CEP76: variants seen among roughly 807,000 people sequenced by gnomAD.
CEP76 encodes the protein centrosomal protein of 76 kDa.
CEP76 carries 55 observed loss-of-function variants against 83.3 expected under a neutral mutation model. That is an observed-to-expected ratio of 0.66 (90% CI 0.53 to 0.83). The LOEUF is 0.83. CEP76 is among the 40% of genes least tolerant of loss of function. The pLI is 0.00. For missense variants in CEP76, 694 were observed against 799.5 expected, an observed-to-expected ratio of 0.87 and a Z score of 1.59; for synonymous variants, 270 against 274.5, an observed-to-expected ratio of 0.98 and a Z score of 0.16.
At chr18:12,672,258 G>A (rs959593779), downstream of CEP76, among the ~76,000 whole-genome samples, 5 of 151,918 alleles carry the variant, frequency 3.3e-5, no homozygotes, top group African/African-American at 7.3e-5. Flanking sequence ...GGGATTACAG[G>A]TGTGAGCCAC....
At chr18:12,683,204 A>AAAAAAAAAAAAAAAAAAAAAAAC (rs2039413427) in intron 8 of CEP76, among the ~76,000 whole-genome samples, 1 of 148,110 alleles carries the variant, frequency 6.8e-6, no homozygotes, top group Non-Finnish European at 1.5e-5. Context: ...AAAAAAAAAA[A>AAAAAAAAAAAAAAAAAAAAAAAC]GCCAGGCATG....
chr18:12,699,247 TAAA>T (rs780142888), intron 3 of CEP76, 44 bp from the exon 4 acceptor site: 5 of 1,294,844 alleles, frequency 3.9e-6, no homozygotes, highest in Non-Finnish European at 5.5e-6. Context: ...CCAAATAACT[TAAA>T]AGAATGTGAT....
intron 7 of CEP76, among the ~76,000 whole-genome samples, chr18:12,690,711 T>C (rs1015761916): frequency 1.3e-5 from 2 of 152,100 alleles, no homozygotes; most frequent in Non-Finnish European, 2.9e-5. Flanking sequence ...CACCTCGGCC[T>C]CCCCAAGTGC....
intron 6 of CEP76, among the ~76,000 whole-genome samples, chr18:12,694,935 A>T (rs9303776): frequency 0.39 from 59,164 of 150,798 alleles, 11,989 homozygotes; most frequent in Non-Finnish European, 0.45. Flanking sequence ...CAGGATGGTC[A>T]CGATCTCCTG....
chr18:12,702,775 A>G (rs1013602677), upstream of CEP76: 25 of 578,626 alleles, frequency 4.3e-5, no homozygotes, highest in Non-Finnish European at 6.3e-5. Flanking sequence ...GCGGACAAAC[A>G]GGGCTTGGGG....
chr18:12,679,303 G>T (rs1327128683), intron 9 of CEP76: 1 of 150,768 alleles, frequency 6.6e-6, no homozygotes, highest in Non-Finnish European at 1.5e-5. Context: ...GCACACTGGG[G>T]AGAAGCCACA....
chr18:12,669,826 C>T (rs1568005866), downstream of CEP76, among the ~76,000 whole-genome samples: 1 of 151,648 alleles, frequency 6.6e-6, no homozygotes, highest in African/African-American at 2.4e-5. Context: ...CATGCAGAAA[C>T]CCTGTCTCTA....
chr18:12,686,221 AT>A, intron 8 of CEP76, 40 bp downstream of exon 8: 1 of 1,500,918 alleles, frequency 6.7e-7, no homozygotes, highest in Non-Finnish European at 9.2e-7. Context: ...CAGAGTAACT[AT>A]GATATACTGC....
intron 6 of CEP76, 146 bp downstream of exon 6, chr18:12,695,108 C>A: frequency 2.3e-6 from 1 of 438,282 alleles, no homozygotes; most frequent in Non-Finnish European, 4.1e-6. Context: ...TATTTTCTTC[C>A]TCATCCTTTT....
intron 8 of CEP76, among the ~76,000 whole-genome samples, chr18:12,683,393 TA>T (rs531562261): frequency 3.2e-4 from 44 of 138,020 alleles, no homozygotes; most frequent in Admixed American, 6.6e-4. Flanking sequence ...AACCACTGAA[TA>T]AAAAAAAAAG....
chr18:12,689,574 G>A (rs554058960), intron 7 of CEP76, among the ~76,000 whole-genome samples: 13 of 143,996 alleles, frequency 9.0e-5, no homozygotes, highest in African/African-American at 2.9e-4. Flanking sequence ...AGAGGAAGTC[G>A]TTTAAGTAAT....
At chr18:12,693,819 A>G (rs896058744) in intron 6 of CEP76, among the ~76,000 whole-genome samples, 1 of 152,028 alleles carries the variant, frequency 6.6e-6, no homozygotes, top group South Asian at 2.1e-4. Flanking sequence ...GTATACACAT[A>G]ATGTATATGT....
intron 5 of CEP76, 91 bp from the exon 6 acceptor site, chr18:12,695,442 G>A: frequency 4.0e-6 from 2 of 505,020 alleles, no homozygotes; most frequent in Non-Finnish European, 7.0e-6. Flanking sequence ...AGGCACTTGG[G>A]TGTTTTATCA....
chr18:12,663,970 G>C (rs1036556636), intron 12 of CEP76, among the ~76,000 whole-genome samples: 2 of 152,130 alleles, frequency 1.3e-5, no homozygotes, highest in Non-Finnish European at 2.9e-5. Context: ...TTCAAGACCA[G>C]CCTGACCAAC....
downstream of CEP76, among the ~76,000 whole-genome samples, chr18:12,672,217 C>T (rs1471135152): frequency 6.6e-5 from 10 of 151,440 alleles, no homozygotes; most frequent in African/African-American, 1.9e-4. Flanking sequence ...CAGGTTCAAG[C>T]GATTCTCCTG....
At chr18:12,696,014 C>T (rs893065088) in intron 5 of CEP76, among the ~76,000 whole-genome samples, 4 of 152,132 alleles carry the variant, frequency 2.6e-5, no homozygotes, top group African/African-American at 7.2e-5. Context: ...AACAAATATA[C>T]TTCACATCAA....
Position 12,673,134 on chromosome 18 carries a change from A to G in CEP76, c.*231T>C, listed in dbSNP as rs1231938803. 8.9e-7 allele frequency: 1 copy of G among 1,123,226 alleles called. No homozygotes were observed. Among genetic ancestry groups the G allele is most frequent in the Admixed American group, 4.4e-5 (1 of 22,646 alleles). The allele number at this position is 1,123,226 out of a possible 1,614,324, so 69.6% of individuals were successfully genotyped here. On this transcript the variant is annotated 3_prime_UTR_variant, in exon 12 of 12. Coordinates refer to ENST00000262127, the MANE Select transcript of CEP76 (RefSeq NM_024899.4). Reference sequence around the variant, plus strand: ...AGTAGCATTTATTAAAATAGAATATACACTTAATTTATACTAAATTCCAGG... The same window carrying G: ...AGTAGCATTTATTAAAATAGAATATGCACTTAATTTATACTAAATTCCAGG...
At position 12,675,331 on chromosome 18, in the gene CEP76, G is replaced by A. The variant is rs532329935; in HGVS notation, c.1624-578C>T. On this transcript the variant is annotated intron_variant, in intron 10 of 11. Transcript: ENST00000262127. ...GAATGGTATGAATCCGGGAGGCAGAGCTTGCAGTGAGCCGAGATCGTGCCA... is the reference window on the plus strand; with the variant it reads ...GAATGGTATGAATCCGGGAGGCAGAACTTGCAGTGAGCCGAGATCGTGCCA... Among the ~76,000 whole-genome samples the A allele has an allele frequency of 6.6e-5, 10 of 152,196 alleles. No individual in the cohort carries two copies. The South Asian group carries it at 2.1e-3, about 32-fold the overall frequency.
chr18:12,672,601 A>T (rs970869216), downstream of CEP76: 17 of 949,306 alleles, frequency 1.8e-5, no homozygotes, highest in Non-Finnish European at 2.1e-5. Flanking sequence ...AGAGGCTAAT[A>T]ATGAATCCTC....
Sources: gnomAD v4.1 joint callset for allele counts (sites outside exome capture counted in the v4.1 genomes callset) on GRCh38, gnomAD v4.1.1 for gene constraint, MANE v1.5 for transcripts, NCBI Gene and HGNC (gene_info 2026-07-23, HGNC 2026-07-21) for gene names.